CERK: variants seen among roughly 807,000 people sequenced by gnomAD.
CERK encodes acylsphingosine kinase.
In CERK, 39 loss-of-function variants were observed where a neutral mutation model predicts 63.4. That is an observed-to-expected ratio of 0.61 (90% CI 0.48 to 0.80). The LOEUF (loss-of-function observed/expected upper bound fraction) is 0.80, where lower values mean the gene tolerates loss of function less well. Ranked by LOEUF, CERK falls within the 30% of genes least tolerant of loss-of-function variation. CERK has a pLI of 0.00. For missense variants in CERK, 670 were observed against 714.1 expected (o/e 0.94, Z 0.70); for synonymous variants, 302 against 280.0 (o/e 1.08, Z -0.78).
chr22:46,706,996 C>A (rs764988721), intron 6 of CERK, among the ~76,000 whole-genome samples: 16 of 152,022 alleles, frequency 1.1e-4, no homozygotes, highest in Non-Finnish European at 2.4e-4. Flanking sequence ...CAGGGCCTGT[C>A]CCTCGTGAGG....
chr22:46,700,021 G>A (rs801705), intron 7 of CERK, among the ~76,000 whole-genome samples: 6,428 of 151,924 alleles, frequency 0.042, 387 homozygotes, highest in African/African-American at 0.15. Flanking sequence ...CCCGGGAGGC[G>A]GAGGTTGCAG....
intron 3 of CERK, among the ~76,000 whole-genome samples, chr22:46,715,379 T>TG (rs2092284371): frequency 6.6e-6 from 1 of 152,194 alleles, no homozygotes; most frequent in East Asian, 1.9e-4. Flanking sequence ...CATCCATAAG[T>TG]GAAGTTTGCA....
Position 46,720,952 on chromosome 22 carries a change from TG to T in CERK, c.205del (p.His69IlefsTer21). 1 of 1,613,766 alleles carries T rather than the reference TG, an allele frequency of 6.2e-7. No individual in the cohort carries two copies. The highest frequency in any genetic ancestry group is 1.1e-5 in the South Asian group (1 of 91,082). Reference sequence around the variant, plus strand: ...TTTCTGCCATTTTCCACTGCCTTGATGTTTCCCGTGAACGTCTGTTTCCTCA... The same window carrying T: ...TTTCTGCCATTTTCCACTGCCTTGATTTTCCCGTGAACGTCTGTTTCCTCA... Reference protein sequence around the residue: ...AVEETDVHGKHQGSGKWQKME... With the variant: ...AVEETDVHGKXQGSGKWQKME... On this transcript the variant is annotated frameshift_variant, in exon 2 of 13. Transcript: ENST00000216264. LOFTEE classifies it high-confidence loss of function.
At chr22:46,711,316 G>A (rs544037422) in intron 4 of CERK, among the ~76,000 whole-genome samples, 167 bp from the exon 5 acceptor site, 1 of 152,282 alleles carries the variant, frequency 6.6e-6, no homozygotes, top group South Asian at 2.1e-4. Flanking sequence ...ACGGGATCAA[G>A]CTGACCTCAG....
intron 12 of CERK, among the ~76,000 whole-genome samples, chr22:46,688,827 G>T (rs1381538395): frequency 1.3e-5 from 2 of 152,246 alleles, no homozygotes; most frequent in Non-Finnish European, 2.9e-5. Flanking sequence ...GAAGTAGACC[G>T]AGCTCTTACC....
At chr22:46,690,783 C>T (rs530828575) in intron 11 of CERK, among the ~76,000 whole-genome samples, 1 of 152,186 alleles carries the variant, frequency 6.6e-6, no homozygotes, top group Non-Finnish European at 1.5e-5. Flanking sequence ...GAACCCATTT[C>T]TGGGAGCCTA....
rs1175016201 is a variant in CERK at position 46,737,995 on chromosome 22, G to A, written c.142+12C>T. ...CCAGGTCCGGCCGAACCCGGGCGGC[G>A]GCGACACTCACCCGCGCCGGGGGCG... On this transcript the variant is annotated intron_variant, in intron 1 of 12. Coordinates refer to ENST00000216264, the MANE Select transcript of CERK (RefSeq NM_022766.6). 8.5e-7 allele frequency: 1 copy of A among 1,172,288 alleles called. No individual in the cohort carries two copies. The highest frequency in any genetic ancestry group is 4.0e-5 in the South Asian group (1 of 25,218). The allele number at this position is 1,172,288 out of a possible 1,614,324, so 72.6% of individuals were successfully genotyped here. A position where few individuals can be genotyped will look rare whatever the true frequency, so the allele number is the denominator to read the frequency against.
chr22:46,710,485 TGGC>T (rs1481968145), intron 5 of CERK, among the ~76,000 whole-genome samples: 1 of 151,886 alleles, frequency 6.6e-6, no homozygotes, highest in African/African-American at 2.4e-5. Flanking sequence ...GAAAGCAATA[TGGC>T]TGTACACGGC....
chr22:46,720,141 C>G lies in CERK; in HGVS notation c.324G>C (p.Glu108Asp), dbSNP rs1209872298. 6.2e-7 allele frequency: 1 copy of G among 1,614,032 alleles called. No individual in the cohort carries two copies. The highest frequency in any genetic ancestry group is 8.5e-7 in the Non-Finnish European group (1 of 1,180,040). Residue 108 changes from glutamate (E) to aspartate (D), a missense_variant, in exon 3 of 13, where the codon GAG (glutamate) becomes GAC (aspartate). Coordinates refer to ENST00000216264, the MANE Select transcript of CERK (RefSeq NM_022766.6). ...KWAQVTFWCP[E>D]EQLCHLWLQT... ...GCAGCCACAAGTGACACAGCTGCTC[C>G]TCTGGACACCAGAAAGTCACCTGCG... is the stretch of plus-strand genomic sequence containing the variant.
At chr22:46,707,638 G>A (rs2082819564) in intron 6 of CERK, among the ~76,000 whole-genome samples, 1 of 152,204 alleles carries the variant, frequency 6.6e-6, no homozygotes, top group African/African-American at 2.4e-5. Context: ...TGGGGGAGTC[G>A]GGCAACTTTC....
rs1022759643 is a variant in CERK, at chr22:46,734,238, C to T, written c.142+3769G>A. Among the ~76,000 whole-genome samples the T allele has an allele frequency of 2.0e-5, 3 of 152,038 alleles. No individual in the cohort carries two copies. The East Asian group carries it at 5.8e-4, about 29-fold the overall frequency. ...AAGCCCATCAGCAGGTGAACGGATA[C>T]ACTAGTGCACCCACACAATGCAATA... On this transcript the variant is annotated intron_variant, in intron 1 of 12. Transcript: ENST00000216264.
chr22:46,726,306 G>C (rs536244836), intron 1 of CERK, among the ~76,000 whole-genome samples: 3 of 152,366 alleles, frequency 2.0e-5, no homozygotes, highest in Admixed American at 6.5e-5. Context: ...CCTAATGCAA[G>C]CTGCCACGTG....
intron 12 of CERK, among the ~76,000 whole-genome samples, chr22:46,687,971 C>G (rs801717): frequency 6.6e-6 from 1 of 152,140 alleles, no homozygotes; most frequent in South Asian, 2.1e-4. Context: ...TCCAGGCGGG[C>G]GGATCACCTG....
chr22:46,720,235 G>T (rs1290580955), intron 2 of CERK, 27 bp from the exon 3 acceptor site: 1 of 1,592,856 alleles, frequency 6.3e-7, no homozygotes, highest in Middle Eastern at 1.7e-4. Flanking sequence ...ATGCTCGTTA[G>T]TGCAAAGTTT....
rs2082856007 is a variant in CERK, at chr22:46,714,053, T to C, written c.380-1760A>G. On this transcript the variant is annotated intron_variant, in intron 3 of 12. Transcript: ENST00000216264. The surrounding 1 kb of genome is among the most constrained non-coding windows in gnomAD (Gnocchi z 4.4). ...TGGGAGGCCGAGGTGGGCAGATCAC[T>C]TGAGGTCAGGTGTTTGAAACCAGCC... Among the ~76,000 whole-genome samples the C allele has an allele frequency of 1.3e-5, 2 of 152,154 alleles. No individual in the cohort carries two copies. The highest frequency in any genetic ancestry group is 4.8e-5 in the African/African-American group (2 of 41,434).
chr22:46,724,809 G>A (rs1387129059), intron 1 of CERK, among the ~76,000 whole-genome samples: 1 of 152,096 alleles, frequency 6.6e-6, no homozygotes, highest in Non-Finnish European at 1.5e-5. Context: ...CACGAGGTCA[G>A]GAGATCGAGA....
At chr22:46,737,206 T>C (rs1257156678) in intron 1 of CERK, among the ~76,000 whole-genome samples, 1 of 151,330 alleles carries the variant, frequency 6.6e-6, no homozygotes, top group Non-Finnish European at 1.5e-5. Context: ...GCAGGGAGAA[T>C]TGCTTGAACC....
intron 10 of CERK, 115 bp from the exon 11 acceptor site, chr22:46,691,892 C>A: frequency 3.1e-5 from 21 of 669,976 alleles, no homozygotes; most frequent in Non-Finnish European, 4.9e-5. Context: ...TTAGCAGACA[C>A]TTCATGCAAT....
rs2082723380 is a variant in CERK, at chr22:46,690,186, A to G, written c.1347T>C (p.Phe449=). 6.2e-7 allele frequency: 1 copy of G among 1,613,802 alleles called. No individual in the cohort carries two copies. The highest frequency in any genetic ancestry group is 1.7e-5 in the Admixed American group (1 of 60,004). Residue 449 remains phenylalanine, a synonymous_variant, in exon 12 of 13, where the codon TTT becomes TTC. Transcript: ENST00000216264. ...TNQQDQFDFT[F]VEVYRVKKFQ... ...ATTTCTTGACGCGATAAACTTCAAC[A>G]AAAGTGAAGTCAAACTACCAAGAAA...
Sources: gnomAD v4.1 joint callset for allele counts (sites outside exome capture counted in the v4.1 genomes callset) on GRCh38, gnomAD v4.1.1 for gene constraint, Gnocchi (gnomAD v3.1) non-coding constraint, MANE v1.5 for transcripts, NCBI Gene and HGNC (gene_info 2026-07-23, HGNC 2026-07-21) for gene names.